The following ZPBP variants were observed in gnomAD, a reference collection of about 807,000 sequenced individuals.
ZPBP encodes the protein zona pellucida-binding protein 1.
A neutral mutation model predicts 44.8 loss-of-function variants in ZPBP; 26 were observed. The observed-to-expected ratio is 0.58, with a 90% CI of 0.43 to 0.81. The LOEUF (loss-of-function observed/expected upper bound fraction) is 0.81, where lower values mean the gene tolerates loss of function less well. Among genes scored for constraint, ZPBP ranks in the 30% least tolerant of loss-of-function variants. The pLI is 0.00. For missense variants in ZPBP, 409 were observed against 434.0 expected (o/e 0.94, Z 0.51); for synonymous variants, 174 against 153.2 (o/e 1.14, Z -1.00).
chr7:49,966,682 C>T (rs938516240), intron 7 of ZPBP, among the ~76,000 whole-genome samples: 7 of 152,160 alleles, frequency 4.6e-5, no homozygotes, highest in East Asian at 1.9e-4. Flanking sequence ...TGAGGTCCAA[C>T]GAAAGCAATG....
At chr7:50,092,517 C>T (rs1303776519) in intron 1 of ZPBP, among the ~76,000 whole-genome samples, 1 of 152,214 alleles carries the variant, frequency 6.6e-6, no homozygotes, top group Non-Finnish European at 1.5e-5. Context: ...AGTTAAATAA[C>T]AGTTCAATTA....
chr7:49,946,265 A>G (rs1795100623), intron 7 of ZPBP, among the ~76,000 whole-genome samples: 2 of 152,188 alleles, frequency 1.3e-5, no homozygotes, highest in Middle Eastern at 3.4e-3. Context: ...TTGCAGTATT[A>G]TAATATTCTG....
intron 6 of ZPBP, among the ~76,000 whole-genome samples, chr7:49,998,222 C>G (rs557146321): frequency 6.6e-6 from 1 of 152,244 alleles, no homozygotes; most frequent in Non-Finnish European, 1.5e-5. Flanking sequence ...AGCCTAAATG[C>G]CCTTATTTTA....
intron 3 of ZPBP, among the ~76,000 whole-genome samples, chr7:50,076,029 A>G (rs1292386544): frequency 6.6e-6 from 1 of 151,862 alleles, no homozygotes; most frequent in East Asian, 1.9e-4. Context: ...ACTGAATTCA[A>G]CAAAAGGTTA....
chr7:49,989,586 A>G (rs927323366), intron 6 of ZPBP, among the ~76,000 whole-genome samples: 1 of 152,204 alleles, frequency 6.6e-6, no homozygotes, highest in Admixed American at 6.5e-5. Context: ...TGAGGACTAG[A>G]GAGAGAGAAA....
intron 2 of ZPBP, among the ~76,000 whole-genome samples, chr7:49,880,570 C>T (rs923830560): frequency 1.3e-5 from 2 of 150,896 alleles, no homozygotes; most frequent in African/African-American, 4.9e-5. Flanking sequence ...TTTATCATTT[C>T]TATTTTTTAT....
intron 7 of ZPBP, among the ~76,000 whole-genome samples, chr7:49,961,754 T>C (rs1440251237): frequency 2.6e-5 from 4 of 152,100 alleles, no homozygotes; most frequent in African/African-American, 7.2e-5. Context: ...AAATCTATGA[T>C]AATGGATATA....
chr7:49,905,327 C>G (rs1452155023), intron 1 of ZPBP, among the ~76,000 whole-genome samples: 1 of 152,194 alleles, frequency 6.6e-6, no homozygotes, highest in East Asian at 1.9e-4. Context: ...TCCACCACAG[C>G]AGCCACTGCT....
At chr7:49,980,884 C>A (rs1006157738) in intron 7 of ZPBP, among the ~76,000 whole-genome samples, 2 of 151,934 alleles carry the variant, frequency 1.3e-5, no homozygotes, top group Non-Finnish European at 2.9e-5. Flanking sequence ...TTGTTCTTTT[C>A]TCCTTTCTTT....
intron 1 of ZPBP, among the ~76,000 whole-genome samples, chr7:49,909,700 G>C (rs1793300290): frequency 6.6e-6 from 1 of 152,160 alleles, no homozygotes; most frequent in Non-Finnish European, 1.5e-5. Flanking sequence ...AGTACAATTG[G>C]AACTAAAATT....
chr7:49,881,045 T>G (rs998577265), intron 2 of ZPBP, among the ~76,000 whole-genome samples: 1 of 152,168 alleles, frequency 6.6e-6, no homozygotes, highest in Admixed American at 6.6e-5. Flanking sequence ...GGTCCCTTGG[T>G]CCATTCTCTG....
downstream of ZPBP, among the ~76,000 whole-genome samples, chr7:49,933,505 G>T (rs1165756693): frequency 6.6e-6 from 1 of 152,102 alleles, no homozygotes; most frequent in Admixed American, 6.6e-5. Context: ...GATTCCTCAG[G>T]GATCTAGAAC....
intron 1 of ZPBP, chr7:49,920,951 C>A (rs1403130584): frequency 6.6e-6 from 1 of 152,138 alleles, no homozygotes; most frequent in Non-Finnish European, 1.5e-5. Context: ...CTGACAGTTT[C>A]TATAGACTGA....
Position 50,031,301 on chromosome 7 carries a change from T to G in ZPBP, c.497A>C (p.Glu166Ala), listed in dbSNP as rs1457416547. The G allele has an allele frequency of 1.9e-6, 3 of 1,609,442 alleles. No homozygotes were observed. Among genetic ancestry groups the G allele is most frequent in the Non-Finnish European group, 2.5e-6 (3 of 1,178,908 alleles). The change falls in exon 5 of 8, where the codon GAG becomes GCG. Residue 166 changes from glutamate to alanine, a missense_variant. Around this residue, in one of 2 missense-constraint regions of ZPBP, gnomAD observed 367 missense variants for 363.1 expected, o/e 1.01. Transcript: ENST00000046087. ...QLKYAIYAYR[E>A]PHYYYQFTAR... Reference sequence around the variant, plus strand: ...TGTGAACTGATAATAATAATGAGGCTCACGATAAGCTGTAAAAAATTAACA... The same window carrying G: ...TGTGAACTGATAATAATAATGAGGCGCACGATAAGCTGTAAAAAATTAACA...
intron 6 of ZPBP, among the ~76,000 whole-genome samples, chr7:49,990,797 A>G (rs1423613097): frequency 6.6e-6 from 1 of 152,212 alleles, no homozygotes; most frequent in Non-Finnish European, 1.5e-5. Flanking sequence ...GTGAATAAAT[A>G]TGACTGGAAC....
intron 2 of ZPBP, among the ~76,000 whole-genome samples, chr7:49,885,896 A>C (rs1791883416): frequency 6.6e-6 from 1 of 152,216 alleles, no homozygotes; most frequent in Non-Finnish European, 1.5e-5. Context: ...ATGGCAGAGG[A>C]GGAGAGGAAT....
At chr7:49,941,850 A>T (rs569469062) in intron 7 of ZPBP, among the ~76,000 whole-genome samples, 1 of 152,264 alleles carries the variant, frequency 6.6e-6, no homozygotes, top group South Asian at 2.1e-4. Context: ...ACATTTCCTG[A>T]TTTTAAAACT....
intron 2 of ZPBP, among the ~76,000 whole-genome samples, chr7:50,084,350 CAA>C (rs35709176): frequency 6.4e-5 from 8 of 124,292 alleles, no homozygotes; most frequent in African/African-American, 8.8e-5. Context: ...GAACATGTAC[CAA>C]AAAAAAAAAA....
At chr7:49,900,747 T>C (rs908161529) in intron 2 of ZPBP, among the ~76,000 whole-genome samples, 5 of 151,822 alleles carry the variant, frequency 3.3e-5, no homozygotes, top group South Asian at 2.1e-4. Flanking sequence ...AGAACTGATA[T>C]CAATATTTTA....
Sources: allele counts gnomAD v4.1 joint callset (sites outside exome capture counted in the v4.1 genomes callset), GRCh38; gene constraint gnomAD v4.1.1; regional missense constraint gnomAD v4.1.1; transcripts MANE v1.5; gene names NCBI Gene and HGNC (gene_info 2026-07-23, HGNC 2026-07-21).